Variants in GRAMD1B observed in about 807,000 individuals in gnomAD.
GRAMD1B encodes the protein protein Aster-B.
Under a neutral mutation model 99.7 loss-of-function variants are expected in GRAMD1B, and 37 were observed. The ratio of observed to expected loss-of-function variants is 0.37; its 90% CI spans 0.29 to 0.49. The LOEUF is 0.49. GRAMD1B is among the 20% of genes least tolerant of loss of function. The pLI is 0.98. For missense variants in GRAMD1B, 888 were observed against 1,009.2 expected (o/e 0.88, Z 1.63); for synonymous variants, 427 against 387.6 (o/e 1.10, Z -1.19).
rs2134173243 is a variant in GRAMD1B at position 123,431,023 on chromosome 11, G to T, written c.231G>T (p.Leu77=). 1 of 703,014 alleles carries T rather than the reference G, an allele frequency of 1.4e-6. No individual in the cohort carries two copies. Among genetic ancestry groups the T allele is most frequent in the South Asian group, 1.5e-5 (1 of 67,606 alleles). 43.5% of individuals were successfully genotyped at this position (703,014 alleles called of 1,614,324 possible). A position where few individuals can be genotyped will look rare whatever the true frequency, so the allele number is the denominator to read the frequency against. Residue 77 remains leucine, a synonymous_variant, in exon 1 of 20, where the codon CTG becomes CTT. Transcript: ENST00000635736. ...CCCCCGGCAAGGAGTTCCTGCAGCT[G>T]CCGTCCATCGAGATCACGCCCTCCA... ...VLAPGKEFLQ[L]PSIEITPSSD... is the part of the protein sequence containing the mutation.
chr11:123,429,016 A>T (rs1421814228), upstream of GRAMD1B, among the ~76,000 whole-genome samples: 1 of 151,964 alleles, frequency 6.6e-6, no homozygotes, highest in African/African-American at 2.4e-5. The surrounding 1 kb of genome is among the most constrained non-coding windows in gnomAD (Gnocchi z 4.0). Context: ...ATATAGCAAG[A>T]CCTCATATCG....
chr11:123,538,767 G>C (rs2508964), intron 2 of GRAMD1B, among the ~76,000 whole-genome samples: 3 of 151,458 alleles, frequency 2.0e-5, no homozygotes. Flanking sequence ...CTACAGGCAC[G>C]CATCACCACA....
intron 3 of GRAMD1B, among the ~76,000 whole-genome samples, chr11:123,583,402 G>GTA (rs775051111): frequency 9.2e-5 from 14 of 151,734 alleles, no homozygotes; most frequent in Admixed American, 3.9e-4. Context: ...GTGCGTGTGT[G>GTA]TGTGTGTCTG....
At chr11:123,541,958 G>C (rs548891972) in intron 2 of GRAMD1B, among the ~76,000 whole-genome samples, 41 of 152,154 alleles carry the variant, frequency 2.7e-4, no homozygotes, top group Non-Finnish European at 5.7e-4. Flanking sequence ...GACTTTGACA[G>C]TCATGTCCAT....
intron 1 of GRAMD1B, among the ~76,000 whole-genome samples, chr11:123,474,731 AAAG>A (rs1951180449): frequency 3.0e-3 from 1 of 330 alleles, no homozygotes; most frequent in African/African-American, 0.012. Context: ...TTTTATTAAC[AAAG>A]ACACAAAGAC....
At chr11:123,614,714 A>G (rs1273360677) in intron 16 of GRAMD1B, 31 bp from the exon 17 acceptor site, 1 of 1,387,384 alleles carries the variant, frequency 7.2e-7, no homozygotes, top group Non-Finnish European at 1.0e-6. Flanking sequence ...GTGGGTCACC[A>G]TGGTGATGGT....
At chr11:123,478,839 C>T (rs903427605) in intron 1 of GRAMD1B, among the ~76,000 whole-genome samples, 1 of 152,152 alleles carries the variant, frequency 6.6e-6, no homozygotes, top group East Asian at 1.9e-4. Flanking sequence ...TGTGTTCTCC[C>T]ACAGTGTAGA....
At chr11:123,458,541 C>G (rs896043024) in intron 1 of GRAMD1B, 3 of 152,190 alleles carry the variant, frequency 2.0e-5, no homozygotes, top group African/African-American at 7.2e-5. Context: ...TTAATCCAGT[C>G]AAACTGACAC....
chr11:123,606,873 C>T, intron 11 of GRAMD1B, 75 bp downstream of exon 11: 1 of 1,142,854 alleles, frequency 8.8e-7, no homozygotes, highest in South Asian at 1.4e-5. Flanking sequence ...TATGTGGGGA[C>T]TGTAGTTAGT....
In GRAMD1B at chr11:123,606,704, G is replaced by A. The variant is rs370508125; in HGVS notation, c.1419G>A (p.Glu473=). The A allele has an allele frequency of 6.8e-6, 11 of 1,613,498 alleles. No homozygotes were observed. Among genetic ancestry groups the A allele is most frequent in the Non-Finnish European group, 9.3e-6 (11 of 1,179,724 alleles). ...AIDNIMGEKI[E]MIAPVNSPSL... is the part of the protein sequence containing the mutation. Reference sequence around the variant, plus strand: ...ACAACATCATGGGGGAGAAGATTGAGATGATCGCTCCTGTGAACTCCCCTT... The same window carrying A: ...ACAACATCATGGGGGAGAAGATTGAAATGATCGCTCCTGTGAACTCCCCTT... Residue 473 remains glutamate, a synonymous_variant, in exon 11 of 20, where the codon GAG becomes GAA. Coordinates refer to ENST00000635736, the MANE Select transcript of GRAMD1B (RefSeq NM_001387025.1).
chr11:123,625,628 A>G lies in GRAMD1B; in HGVS notation c.*3033A>G, dbSNP rs546515233. On this transcript the variant is annotated 3_prime_UTR_variant, in exon 20 of 20. Coordinates refer to ENST00000635736, the MANE Select transcript of GRAMD1B (RefSeq NM_001387025.1). ...AGCCTGGGTCCTGACTTTTCCATTG[A>G]CTAAGCTCTGTGGCCTTGGGCAAGT... is the stretch of plus-strand genomic sequence containing the variant. 1 of 152,558 alleles carries G rather than the reference A, an allele frequency of 6.6e-6. No homozygotes were observed. The highest frequency in any genetic ancestry group is 1.9e-4 in the East Asian group (1 of 5,180). The allele number at this position is 152,558 out of a possible 1,614,324, so 9.5% of individuals were successfully genotyped here.
chr11:123,580,833 C>T (rs1295927049), intron 3 of GRAMD1B, among the ~76,000 whole-genome samples: 1 of 152,024 alleles, frequency 6.6e-6, no homozygotes, highest in East Asian at 1.9e-4. Flanking sequence ...TCCCGCCCTG[C>T]TGCACACCTC....
chr11:123,619,292 A>T, intron 19 of GRAMD1B, 68 bp downstream of exon 19: 3 of 1,541,362 alleles, frequency 1.9e-6, no homozygotes, highest in Non-Finnish European at 2.6e-6. Context: ...TTATGCTGTG[A>T]GAAAGATCCT....
intron 2 of GRAMD1B, among the ~76,000 whole-genome samples, chr11:123,565,400 T>C (rs1417342430): frequency 6.6e-6 from 1 of 152,204 alleles, no homozygotes; most frequent in African/African-American, 2.4e-5. Context: ...TTTAATATCA[T>C]GTGGATACAA....
At chr11:123,620,103 C>A (rs978925186) in intron 19 of GRAMD1B, among the ~76,000 whole-genome samples, 1 of 152,200 alleles carries the variant, frequency 6.6e-6, no homozygotes, top group African/African-American at 2.4e-5. Context: ...GAACTGTCAT[C>A]AGGATTTGAT....
At chr11:123,484,016 C>G (rs1310634266) in intron 2 of GRAMD1B, among the ~76,000 whole-genome samples, 6 of 152,158 alleles carry the variant, frequency 3.9e-5, no homozygotes, top group African/African-American at 1.4e-4. Flanking sequence ...ACGATCTGAT[C>G]TGATGGCAGT....
chr11:123,495,658 C>T (rs1360133683), intron 2 of GRAMD1B, among the ~76,000 whole-genome samples: 6 of 149,846 alleles, frequency 4.0e-5, no homozygotes, highest in Admixed American at 6.6e-5. Flanking sequence ...TGAAACCATG[C>T]GAAGTTTGTC....
chr11:123,593,427 G>A (rs1049008634), intron 4 of GRAMD1B, among the ~76,000 whole-genome samples: 8 of 152,178 alleles, frequency 5.3e-5, no homozygotes, highest in African/African-American at 1.7e-4. Context: ...TGAGGACCTG[G>A]GGCAGGGGGC....
intron 8 of GRAMD1B, among the ~76,000 whole-genome samples, chr11:123,603,061 G>A (rs1159665087): frequency 6.6e-6 from 1 of 152,152 alleles, no homozygotes; most frequent in Non-Finnish European, 1.5e-5. Flanking sequence ...AGAAGCTCTG[G>A]GATCCCCTTG....
Sources: allele counts gnomAD v4.1 joint callset (sites outside exome capture counted in the v4.1 genomes callset), GRCh38; gene constraint gnomAD v4.1.1; non-coding constraint Gnocchi (gnomAD v3.1); transcripts MANE v1.5; gene names NCBI Gene and HGNC (gene_info 2026-07-23, HGNC 2026-07-21).